BRINP3: variants seen among roughly 807,000 people sequenced by gnomAD.
The protein encoded by BRINP3 is BMP/retinoic acid-inducible neural-specific protein 3.
A neutral mutation model predicts 71.0 loss-of-function variants in BRINP3; 19 were observed. That is an observed-to-expected ratio of 0.27 (90% CI 0.19 to 0.39). The LOEUF is 0.39. BRINP3 is among the 10% of genes least tolerant of loss of function. The pLI is 1.00. For synonymous variants in BRINP3, 380 were observed against 337.7 expected (o/e 1.13, Z -1.37); for missense variants, 959 against 940.8 (o/e 1.02, Z -0.25).
At chr1:190,421,208 T>C (rs1247702563) in intron 2 of BRINP3, among the ~76,000 whole-genome samples, 1 of 151,422 alleles carries the variant, frequency 6.6e-6, no homozygotes, top group Non-Finnish European at 1.5e-5. Flanking sequence ...GACAAATGTT[T>C]TGTGTACTAG....
chr1:190,372,367 A>G (rs1186552518), intron 2 of BRINP3, among the ~76,000 whole-genome samples: 1 of 152,144 alleles, frequency 6.6e-6, no homozygotes, highest in East Asian at 1.9e-4. Flanking sequence ...CCTGTCAGAA[A>G]GTCCTTCTTT....
chr1:190,389,564 C>T (rs758912174), intron 2 of BRINP3, among the ~76,000 whole-genome samples: 5 of 151,588 alleles, frequency 3.3e-5, no homozygotes, highest in African/African-American at 9.7e-5. Flanking sequence ...TAATTTGGCC[C>T]GTAACATTGA....
intron 6 of BRINP3, among the ~76,000 whole-genome samples, chr1:190,207,981 A>G (rs1655659404): frequency 6.6e-6 from 1 of 152,026 alleles, no homozygotes; most frequent in East Asian, 1.9e-4. Flanking sequence ...TGCTTGTTTG[A>G]GACAGGGTCT....
chr1:190,375,964 A>G (rs1558231038), intron 2 of BRINP3, among the ~76,000 whole-genome samples: 1 of 151,990 alleles, frequency 6.6e-6, no homozygotes, highest in Non-Finnish European at 1.5e-5. Context: ...AAATTAAAAA[A>G]TCATCAGGCA....
intron 3 of BRINP3, among the ~76,000 whole-genome samples, chr1:190,277,087 T>TATATATATATATATATATATATA (rs1553276640): frequency 5.6e-5 from 2 of 36,006 alleles, no homozygotes; most frequent in Non-Finnish European, 6.7e-5. Flanking sequence ...AATTTTGGTT[T>TATATATATATATATATATATATA]TATATATATA....
intron 7 of BRINP3, among the ~76,000 whole-genome samples, chr1:190,124,205 T>C (rs1023308456): frequency 4.6e-5 from 7 of 152,262 alleles, no homozygotes; most frequent in Admixed American, 4.6e-4. Flanking sequence ...GTGGGTTTGC[T>C]TTGAAAATAA....
At chr1:190,254,057 G>C (rs1475083932) in intron 4 of BRINP3, among the ~76,000 whole-genome samples, 1 of 152,100 alleles carries the variant, frequency 6.6e-6, no homozygotes, top group African/African-American at 2.4e-5. Flanking sequence ...TGTCAGGTTT[G>C]TCAAGGATCA....
chr1:190,108,339 CGTGT>C (rs368317554), intron 7 of BRINP3, among the ~76,000 whole-genome samples: 6 of 149,176 alleles, frequency 4.0e-5, no homozygotes, highest in Non-Finnish European at 6.0e-5. Context: ...ATAAGCAAAT[CGTGT>C]GTGTGTGTGT....
rs1558142627 is a variant in BRINP3 at position 190,281,705 on chromosome 1, T to A, written c.282A>T (p.Arg94Ser). The A allele has an allele frequency of 1.2e-6, 2 of 1,612,706 alleles. No individual in the cohort carries two copies. Among genetic ancestry groups the A allele is most frequent in the Non-Finnish European group, 1.7e-6 (2 of 1,179,268 alleles). The change falls in exon 3 of 8, where the codon AGA (arginine) becomes AGT (serine). Residue 94 changes from arginine (R) to serine (S), a missense_variant. By Grantham distance (110) the Arg-to-Ser change is moderately radical. Coordinates refer to ENST00000367462, the MANE Select transcript of BRINP3 (RefSeq NM_199051.3). ...WKVNNLAVER[R>S]NFLGSPLPLA... ...GAGGCAGAGGAGAGCCAAGGAAATT[T>A]CTTCTCTCAACTGCAAGGTTATTTA...
At chr1:190,132,100 G>A (rs974853024) in intron 7 of BRINP3, among the ~76,000 whole-genome samples, 1 of 151,898 alleles carries the variant, frequency 6.6e-6, no homozygotes, top group Non-Finnish European at 1.5e-5. Context: ...GAATACTCAG[G>A]ACCTATGTAT....
chr1:190,153,379 T>G (rs910793279), intron 7 of BRINP3, among the ~76,000 whole-genome samples: 36 of 152,136 alleles, frequency 2.4e-4, no homozygotes, highest in Non-Finnish European at 1.5e-5. Flanking sequence ...GGTTTTCTGT[T>G]TTTGAAATGG....
chr1:190,441,518 G>A (rs1674817429), intron 2 of BRINP3, among the ~76,000 whole-genome samples: 2 of 151,848 alleles, frequency 1.3e-5, no homozygotes, highest in African/African-American at 4.8e-5. Context: ...AATTATTGGA[G>A]GTTTCTCATT....
rs555173549 is a variant in BRINP3, at chr1:190,273,832, G to A, written c.427+7728C>T. Among the ~76,000 whole-genome samples, 27 of 151,594 alleles carry A rather than the reference G, an allele frequency of 1.8e-4. No individual in the cohort carries two copies. The South Asian group carries it at 1.9e-3, about 10-fold the overall frequency. On this transcript the variant is annotated intron_variant, in intron 3 of 7. Coordinates refer to ENST00000367462, the MANE Select transcript of BRINP3 (RefSeq NM_199051.3). ...AAAATAATAGATAAAACAATGATACGAAGAATCCTACAGGTAAATCAACAA... is the reference window on the plus strand; with the variant it reads ...AAAATAATAGATAAAACAATGATACAAAGAATCCTACAGGTAAATCAACAA...
In BRINP3 at chr1:190,294,262, C is replaced by CT. The variant is rs3076717; in HGVS notation, c.237-12513dup. Among the ~76,000 whole-genome samples the CT allele has an allele frequency of 1.6e-3, 232 of 141,202 alleles. 3 individuals are homozygous for CT. The East Asian group carries it at 0.031, about 19-fold the overall frequency. 92.6% of individuals were successfully genotyped at this position (141,202 alleles called of 152,430 possible). On this transcript the variant is annotated intron_variant, in intron 2 of 7. Coordinates refer to ENST00000367462, the MANE Select transcript of BRINP3 (RefSeq NM_199051.3). ...AGCTATCAGAAGTACCTCAAAATACCTTTTTTTTTTTTTTGAGTCAGGGTC... is the reference window on the plus strand; with the variant it reads ...AGCTATCAGAAGTACCTCAAAATACCTTTTTTTTTTTTTTTGAGTCAGGGTC...
chr1:190,439,714 T>C (rs1674693121), intron 2 of BRINP3, among the ~76,000 whole-genome samples: 1 of 151,980 alleles, frequency 6.6e-6, no homozygotes, highest in African/African-American at 2.4e-5. Context: ...GTGAGCCTAA[T>C]TCTTAACAGA....
At chr1:190,447,626 A>C (rs570000381) in intron 2 of BRINP3, among the ~76,000 whole-genome samples, 3,209 of 148,906 alleles carry the variant, frequency 0.022, 95 homozygotes, top group African/African-American at 0.071. Flanking sequence ...CTCTCTCTAT[A>C]TATATATACT....
intron 3 of BRINP3, among the ~76,000 whole-genome samples, chr1:190,266,488 A>G (rs1181048343): frequency 6.6e-6 from 1 of 152,198 alleles, no homozygotes; most frequent in Admixed American, 6.5e-5. Flanking sequence ...AAAAACATAT[A>G]TCTCAAGAAT....
intron 7 of BRINP3, among the ~76,000 whole-genome samples, chr1:190,126,300 T>C (rs1654080922): frequency 6.6e-6 from 1 of 151,962 alleles, no homozygotes; most frequent in South Asian, 2.1e-4. Flanking sequence ...AATAATGGTA[T>C]TACATTGTAT....
chr1:190,432,154 A>G (rs987875512), intron 2 of BRINP3, among the ~76,000 whole-genome samples: 2 of 152,202 alleles, frequency 1.3e-5, no homozygotes, highest in Admixed American at 6.5e-5. Context: ...TAATCTTTCT[A>G]TCCATACTTT....
Sources: allele counts gnomAD v4.1 joint callset (sites outside exome capture counted in the v4.1 genomes callset), GRCh38; gene constraint gnomAD v4.1.1; transcripts MANE v1.5; gene names NCBI Gene and HGNC (gene_info 2026-07-23, HGNC 2026-07-21).